ITPR1: variants seen among roughly 807,000 people sequenced by gnomAD.
ITPR1 encodes inositol 1,4,5-trisphosphate-gated calcium channel ITPR1.
Under a neutral mutation model 318.4 loss-of-function variants are expected in ITPR1, and 96 were observed. The ratio of observed to expected loss-of-function variants is 0.30; its 90% confidence interval spans 0.26 to 0.36. The LOEUF is 0.36. ITPR1 is among the 10% of genes least tolerant of loss of function. ITPR1 has a pLI of 1.00. For missense variants in ITPR1, 2,440 were observed against 3,460.2 expected (o/e 0.71, Z 7.40); for synonymous variants, 1,312 against 1,289.9 (o/e 1.02, Z -0.37).
At chr3:4,584,215 A>G (rs1420326215) in intron 4 of ITPR1, among the ~76,000 whole-genome samples, 1 of 152,112 alleles carries the variant, frequency 6.6e-6, no homozygotes, top group Non-Finnish European at 1.5e-5. Context: ...TTCATTATGT[A>G]TGAAGTCATG....
chr3:4,569,369 A>G (rs551126587), intron 4 of ITPR1, among the ~76,000 whole-genome samples: 1 of 152,394 alleles, frequency 6.6e-6, no homozygotes, highest in Admixed American at 6.5e-5. Flanking sequence ...GTATTCTAAC[A>G]GTATAACAGT....
intron 4 of ITPR1, among the ~76,000 whole-genome samples, chr3:4,527,016 T>C (rs930782967): frequency 1.3e-5 from 2 of 152,240 alleles, no homozygotes; most frequent in African/African-American, 4.8e-5. Flanking sequence ...AGGATGCTTT[T>C]CATGTCCTAA....
intron 5 of ITPR1, among the ~76,000 whole-genome samples, chr3:4,630,663 G>A (rs972603186): frequency 1.3e-4 from 20 of 151,432 alleles, no homozygotes; most frequent in African/African-American, 4.4e-4. Flanking sequence ...TCGGCCTACT[G>A]CAACCTCCGC....
At chr3:4,534,147 G>T (rs764278618) in intron 4 of ITPR1, among the ~76,000 whole-genome samples, 5 of 152,202 alleles carry the variant, frequency 3.3e-5, no homozygotes, top group African/African-American at 4.8e-5. Context: ...GGGGATACAA[G>T]TGCAGTTTTG....
At chr3:4,736,704 A>G (rs1311882967) in intron 44 of ITPR1, among the ~76,000 whole-genome samples, 1 of 152,214 alleles carries the variant, frequency 6.6e-6, no homozygotes, top group Non-Finnish European at 1.5e-5. Flanking sequence ...TGGGTCCTGC[A>G]GTCCTTCTCA....
At chr3:4,592,059 G>C (rs529084000) in intron 4 of ITPR1, among the ~76,000 whole-genome samples, 1 of 152,118 alleles carries the variant, frequency 6.6e-6, no homozygotes, top group Non-Finnish European at 1.5e-5. Context: ...ATTCCGAGCT[G>C]GGGTTCCGAG....
intron 26 of ITPR1, among the ~76,000 whole-genome samples, chr3:4,682,858 G>T (rs560782439): frequency 8.0e-4 from 117 of 146,218 alleles, no homozygotes; most frequent in Middle Eastern, 7.2e-3. Context: ...GCTCAGTTAT[G>T]GAGTAGTCTG....
chr3:4,647,008 C>A (rs2093473344), intron 10 of ITPR1, among the ~76,000 whole-genome samples: 2 of 152,048 alleles, frequency 1.3e-5, no homozygotes, highest in East Asian at 3.9e-4. Context: ...GCCATGTAAC[C>A]AGCACCTAGA....
chr3:4,514,888 A>C (rs1212247860), intron 2 of ITPR1, among the ~76,000 whole-genome samples: 1 of 152,200 alleles, frequency 6.6e-6, no homozygotes, highest in African/African-American at 2.4e-5. Context: ...TTGCCTTTAA[A>C]TATAAAATAT....
intron 2 of ITPR1, among the ~76,000 whole-genome samples, chr3:4,500,338 T>C (rs1191426186): frequency 6.6e-6 from 1 of 151,118 alleles, no homozygotes; most frequent in Non-Finnish European, 1.5e-5. Context: ...TAGCTGGGAC[T>C]ATGGGCATTC....
chr3:4,621,673 T>C (rs891960361), intron 4 of ITPR1, among the ~76,000 whole-genome samples: 3 of 152,258 alleles, frequency 2.0e-5, no homozygotes, highest in African/African-American at 7.2e-5. Flanking sequence ...CCCTGCACAG[T>C]GCAGCTTCTG....
At chr3:4,792,643 A>G (rs560276836) in intron 52 of ITPR1, among the ~76,000 whole-genome samples, 7 of 152,342 alleles carry the variant, frequency 4.6e-5, no homozygotes, top group African/African-American at 1.4e-4. Context: ...GGTCTGCTTC[A>G]GCATCCTCAT....
chr3:4,626,594 T>C (rs546634426), intron 4 of ITPR1, among the ~76,000 whole-genome samples: 1 of 152,322 alleles, frequency 6.6e-6, no homozygotes, highest in South Asian at 2.1e-4. Context: ...AAGCCACTTG[T>C]CCATTTTATG....
At chr3:4,744,794 C>A (rs769443614) in intron 44 of ITPR1, among the ~76,000 whole-genome samples, 4 of 152,182 alleles carry the variant, frequency 2.6e-5, no homozygotes, top group Admixed American at 6.5e-5. Context: ...GAGCAATATC[C>A]TAAGTCCCAA....
chr3:4,512,883 G>A (rs569447240), intron 2 of ITPR1, among the ~76,000 whole-genome samples: 3 of 152,284 alleles, frequency 2.0e-5, no homozygotes, highest in African/African-American at 2.4e-5. Flanking sequence ...GGGGCAGAGA[G>A]CCAGGGTGGA....
intron 44 of ITPR1, among the ~76,000 whole-genome samples, chr3:4,764,406 G>A (rs1184440409): frequency 6.6e-6 from 1 of 152,222 alleles, no homozygotes; most frequent in Non-Finnish European, 1.5e-5. Context: ...TAATCATGGA[G>A]TGCCTTCTAT....
chr3:4,690,138 A>G (rs944428512), intron 31 of ITPR1, among the ~76,000 whole-genome samples: 1 of 152,198 alleles, frequency 6.6e-6, no homozygotes. Flanking sequence ...TTAGTTGGGT[A>G]TGATGGTGAG....
At chr3:4,778,167 C>T (rs929900710) in intron 48 of ITPR1, among the ~76,000 whole-genome samples, 67 of 152,226 alleles carry the variant, frequency 4.4e-4, no homozygotes, top group Non-Finnish European at 3.1e-4. Context: ...AAAACCCTCC[C>T]TTCTATGTAG....
At chr3:4,732,993 C>A in intron 42 of ITPR1, 95 bp from the exon 43 acceptor site, 1 of 1,255,110 alleles carries the variant, frequency 8.0e-7, no homozygotes, top group Non-Finnish European at 1.1e-6. Flanking sequence ...GAAACTGGGC[C>A]AATTATAACT....
Sources: allele counts gnomAD v4.1 joint callset (sites outside exome capture counted in the v4.1 genomes callset), GRCh38; gene constraint gnomAD v4.1.1; transcripts MANE v1.5; gene names NCBI Gene and HGNC (gene_info 2026-07-23, HGNC 2026-07-21).